Variants in SOX6 observed in about 807,000 individuals in gnomAD.
SOX6 encodes transcription factor SOX-6.
Under a neutral mutation model 97.8 loss-of-function variants are expected in SOX6, and 11 were observed. The observed-to-expected ratio is 0.11, with a 90% confidence interval of 0.07 to 0.19. SOX6 has a LOEUF of 0.19. Ranked by LOEUF, SOX6 falls within the 10% of genes least tolerant of loss-of-function variation. The probability of loss-of-function intolerance (pLI) is 1.00; values close to 1 mark genes in which losing one functional copy is unlikely to be tolerated. For synonymous variants in SOX6, 360 were observed against 371.4 expected (o/e 0.97, Z 0.35); for missense variants, 810 against 1,039.5 (o/e 0.78, Z 3.04).
At chr11:16,486,732 C>G (rs1034800715) in intron 4 of SOX6, among the ~76,000 whole-genome samples, 1 of 151,860 alleles carries the variant, frequency 6.6e-6, no homozygotes, top group South Asian at 2.1e-4. Context: ...ATGATAGTCC[C>G]GGCTACTCAG....
At chr11:16,173,605 AGT>A (rs1380859100) in intron 6 of SOX6, among the ~76,000 whole-genome samples, 3 of 121,392 alleles carry the variant, frequency 2.5e-5, no homozygotes, top group South Asian at 6.4e-4. Flanking sequence ...CTACTAGAAA[AGT>A]GTTTGTTTTT....
chr11:16,385,570 A>C (rs2134416604), intron 1 of SOX6, among the ~76,000 whole-genome samples: 1 of 152,180 alleles, frequency 6.6e-6, no homozygotes, highest in African/African-American at 2.4e-5. Context: ...CAGAAAAGAA[A>C]AAATTTTAAA....
chr11:16,524,318 T>G (rs1861119668), intron 4 of SOX6, among the ~76,000 whole-genome samples: 1 of 151,238 alleles, frequency 6.6e-6, no homozygotes, highest in African/African-American at 2.4e-5. Flanking sequence ...GCAAGGCTGG[T>G]TCAATATACG....
At chr11:16,319,221 T>C (rs1273049600) in intron 2 of SOX6, among the ~76,000 whole-genome samples, 2 of 152,212 alleles carry the variant, frequency 1.3e-5, no homozygotes, top group African/African-American at 2.4e-5. Flanking sequence ...AATATTTTTG[T>C]GTGCTGGGGT....
At chr11:16,657,988 T>A (rs935304750) in intron 3 of SOX6, among the ~76,000 whole-genome samples, 6 of 152,234 alleles carry the variant, frequency 3.9e-5, no homozygotes, top group African/African-American at 1.4e-4. Context: ...CCCTGATGGA[T>A]TGTTTCCAGT....
At chr11:16,342,272 G>C (rs1001457033) in intron 1 of SOX6, among the ~76,000 whole-genome samples, 1 of 151,902 alleles carries the variant, frequency 6.6e-6, no homozygotes, top group Non-Finnish European at 1.5e-5. Context: ...TAAAACCACT[G>C]AAAGTGTATA....
intron 3 of SOX6, among the ~76,000 whole-genome samples, chr11:16,709,658 A>C (rs1188309129): frequency 6.6e-6 from 1 of 152,120 alleles, no homozygotes; most frequent in African/African-American, 2.4e-5. Context: ...TTTCTGTACA[A>C]CCTGCAGAAC....
chr11:16,287,298 T>TCTCTCA (rs1554953497), intron 3 of SOX6, among the ~76,000 whole-genome samples: 3 of 123,448 alleles, frequency 2.4e-5, no homozygotes, highest in Admixed American at 8.4e-5. Context: ...TCTCTCTCTC[T>TCTCTCA]CACACACACA....
intron 15 of SOX6, among the ~76,000 whole-genome samples, chr11:15,974,468 C>A (rs1013443148): frequency 7.3e-6 from 1 of 136,636 alleles, no homozygotes; most frequent in Non-Finnish European, 1.5e-5. Context: ...TATACATGTG[C>A]CATGCTGGTG....
chr11:16,625,650 G>C (rs1381324107), intron 3 of SOX6, among the ~76,000 whole-genome samples: 1 of 152,130 alleles, frequency 6.6e-6, no homozygotes, highest in South Asian at 2.1e-4. Flanking sequence ...CCTTCCTCTG[G>C]GGAAGGAATG....
chr11:16,423,997 A>G (rs1859073228), intron 1 of SOX6, among the ~76,000 whole-genome samples: 1 of 152,196 alleles, frequency 6.6e-6, no homozygotes, highest in African/African-American at 2.4e-5. Context: ...CAACCGTATT[A>G]ATTACTACAG....
chr11:16,113,967 G>A (rs973232491), intron 6 of SOX6, among the ~76,000 whole-genome samples: 13 of 152,110 alleles, frequency 8.5e-5, no homozygotes, highest in African/African-American at 3.1e-4. Flanking sequence ...GAAATGAAAT[G>A]CAAAGAAGAA....
At chr11:16,608,894 G>A (rs1417771098) in intron 4 of SOX6, among the ~76,000 whole-genome samples, 1 of 152,198 alleles carries the variant, frequency 6.6e-6, no homozygotes, top group African/African-American at 2.4e-5. Flanking sequence ...AAGAGGGGTG[G>A]TTTAAAGGTT....
intron 6 of SOX6, among the ~76,000 whole-genome samples, chr11:16,174,050 T>G (rs1238118033): frequency 6.7e-6 from 1 of 148,978 alleles, no homozygotes; most frequent in Non-Finnish European, 1.5e-5. Flanking sequence ...TTTTTTTTTT[T>G]GTCCATGAGT....
At chr11:15,973,733 T>A (rs1041411838) in intron 15 of SOX6, among the ~76,000 whole-genome samples, 3 of 152,122 alleles carry the variant, frequency 2.0e-5, no homozygotes, top group Non-Finnish European at 4.4e-5. Flanking sequence ...GGGCTGGAAC[T>A]GGGGTTGGGA....
chr11:16,132,395 AAAGAAAAAAGAAAGAAAG>A (rs1849804495), intron 6 of SOX6, among the ~76,000 whole-genome samples: 1 of 78,346 alleles, frequency 1.3e-5, no homozygotes, highest in South Asian at 4.3e-4. Context: ...AGAAAGAAAG[AAAGAAAAAAGAAAGAAAG>A]AAAGAAAGAA....
intron 4 of SOX6, among the ~76,000 whole-genome samples, chr11:16,488,428 G>T (rs1010066470): frequency 1.3e-5 from 2 of 152,122 alleles, no homozygotes; most frequent in Non-Finnish European, 2.9e-5. Flanking sequence ...GTGGGGATTT[G>T]ATATATGAAA....
intron 4 of SOX6, among the ~76,000 whole-genome samples, chr11:16,200,789 G>A (rs1296570245): frequency 2.0e-5 from 3 of 152,034 alleles, no homozygotes; most frequent in Non-Finnish European, 4.4e-5. Context: ...ACCTATAACA[G>A]TTCCAGACAT....
intron 1 of SOX6, among the ~76,000 whole-genome samples, chr11:16,368,404 C>T (rs562831400): frequency 6.6e-6 from 1 of 152,218 alleles, no homozygotes; most frequent in East Asian, 1.9e-4. Context: ...ATCATTTGTG[C>T]CCAGGAGGTC....
Sources: allele counts gnomAD v4.1 joint callset (sites outside exome capture counted in the v4.1 genomes callset), GRCh38; gene constraint gnomAD v4.1.1; transcripts MANE v1.5; gene names NCBI Gene and HGNC (gene_info 2026-07-23, HGNC 2026-07-21).